SV2C: variants seen among roughly 807,000 people sequenced by gnomAD.
SV2C encodes the protein solute carrier family 22 member B3.
SV2C carries 49 observed loss-of-function variants against 79.7 expected under a neutral mutation model. The observed-to-expected ratio is 0.61, with a 90% CI of 0.49 to 0.78. The LOEUF (loss-of-function observed/expected upper bound fraction) is 0.78. Among genes scored for constraint, SV2C ranks in the 30% least tolerant of loss-of-function variants. The pLI is 0.00. For missense variants in SV2C, 833 were observed against 912.9 expected (o/e 0.91, Z 1.13); for synonymous variants, 334 against 333.2 (o/e 1.00, Z -0.03).
chr5:76,084,855 G>C (rs1017241290), intron 1 of SV2C, among the ~76,000 whole-genome samples: 1 of 151,860 alleles, frequency 6.6e-6, no homozygotes, highest in Admixed American at 6.6e-5. Context: ...GGCGCGGGGC[G>C]GCGAGGAAAG....
the SV2C span, among the ~76,000 whole-genome samples, chr5:75,983,527 A>C: frequency 6.6e-6 from 1 of 151,860 alleles, no homozygotes; most frequent in Admixed American, 6.6e-5. Flanking sequence ...TTGTCTTGTC[A>C]TTCACAGGTC....
At chr5:76,043,666 T>C in the SV2C span, among the ~76,000 whole-genome samples, 3 of 152,248 alleles carry the variant, frequency 2.0e-5, no homozygotes, top group Non-Finnish European at 2.9e-5. Context: ...AACTTTATTT[T>C]AGTGAAGCCA....
the SV2C span, chr5:75,910,551 T>C: frequency 3.0e-6 from 2 of 661,672 alleles, no homozygotes; most frequent in Non-Finnish European, 5.5e-6. Context: ...TCACCTTTGG[T>C]TTACTACTTC....
chr5:76,310,154 G>A (rs1561310883), intron 12 of SV2C, among the ~76,000 whole-genome samples: 1 of 152,182 alleles, frequency 6.6e-6, no homozygotes, highest in African/African-American at 2.4e-5. Flanking sequence ...CCTTGATAGA[G>A]CTTATATTCT....
intron 4 of SV2C, among the ~76,000 whole-genome samples, chr5:76,247,982 C>T (rs1386537616): frequency 1.3e-5 from 2 of 152,186 alleles, no homozygotes; most frequent in South Asian, 2.1e-4. Flanking sequence ...TAAGCAAGGC[C>T]GTAATGAAGG....
chr5:76,238,977 G>A (rs1338950165), intron 4 of SV2C, among the ~76,000 whole-genome samples: 1 of 152,136 alleles, frequency 6.6e-6, no homozygotes, highest in Non-Finnish European at 1.5e-5. Context: ...TGCATTCACA[G>A]GTTTTCGATG....
chr5:76,294,278 C>G (rs1023118700), intron 8 of SV2C, among the ~76,000 whole-genome samples: 2 of 149,704 alleles, frequency 1.3e-5, no homozygotes, highest in African/African-American at 4.9e-5. Context: ...TTTAATACTA[C>G]ATTTTGTTTC....
the SV2C span, among the ~76,000 whole-genome samples, chr5:75,995,431 A>G: frequency 3.9e-5 from 6 of 152,114 alleles, no homozygotes; most frequent in African/African-American, 2.4e-5. Flanking sequence ...TGCTTCCTAG[A>G]TTGATTGGCA....
intron 12 of SV2C, among the ~76,000 whole-genome samples, chr5:76,348,628 T>C (rs1389744879): frequency 6.6e-6 from 1 of 152,216 alleles, no homozygotes; most frequent in Non-Finnish European, 1.5e-5. Context: ...CAGCTAACTG[T>C]ACCAGAGAAG....
the SV2C span, among the ~76,000 whole-genome samples, chr5:75,908,907 G>A: frequency 6.6e-6 from 1 of 151,712 alleles, no homozygotes; most frequent in Non-Finnish European, 1.5e-5. Context: ...ATTTTGCATT[G>A]AAAAACTTTT....
At chr5:76,144,825 G>GTTTT in intron 2 of SV2C, among the ~76,000 whole-genome samples, 1 of 151,562 alleles carries the variant, frequency 6.6e-6, no homozygotes, top group Non-Finnish European at 1.5e-5. Flanking sequence ...TTGATAGGAG[G>GTTTT]TTTTTTTTTG....
At chr5:76,284,826 A>C (rs996132167) in intron 4 of SV2C, among the ~76,000 whole-genome samples, 2 of 152,108 alleles carry the variant, frequency 1.3e-5, no homozygotes, top group African/African-American at 4.8e-5. Context: ...GAAAGAGTGG[A>C]GAGTGATCTG....
At chr5:75,883,807 T>A in the SV2C span, among the ~76,000 whole-genome samples, 9,137 of 150,650 alleles carry the variant, frequency 0.061, 326 homozygotes, top group Admixed American at 0.083. Context: ...CTGCACATTG[T>A]GCACATGTAC....
chr5:76,339,580 G>T (rs998334830), intron 12 of SV2C, among the ~76,000 whole-genome samples: 1 of 152,008 alleles, frequency 6.6e-6, no homozygotes, highest in Admixed American at 6.6e-5. Context: ...TGGGTGTGGT[G>T]GTGGGCACCT....
At chr5:76,135,004 A>G (rs1340967111) in intron 2 of SV2C, among the ~76,000 whole-genome samples, 1 of 152,214 alleles carries the variant, frequency 6.6e-6, no homozygotes, top group Non-Finnish European at 1.5e-5. Context: ...GTCAGTAGCC[A>G]TAAGACAAGT....
rs1748732211 is a variant in SV2C at position 76,127,186 on chromosome 5, C to T, written c.-101-4464C>T. ...GAGGAGTAAAGCAAAGGGAAGACTG[C>T]ATGTTTGGGCGGTGTGGGGAAACAC... On this transcript the variant is annotated intron_variant, in intron 1 of 12. Coordinates refer to ENST00000502798, the MANE Select transcript of SV2C (RefSeq NM_014979.4). Among the ~76,000 whole-genome samples, 4 of 152,100 alleles carry T rather than the reference C, an allele frequency of 2.6e-5. No homozygotes were observed. In the South Asian group the frequency reaches 8.3e-4, roughly 32 times the overall value.
the SV2C span, among the ~76,000 whole-genome samples, chr5:75,851,490 A>G: frequency 6.6e-6 from 1 of 152,248 alleles, no homozygotes; most frequent in Non-Finnish European, 1.5e-5. Flanking sequence ...TGGTAACACC[A>G]TGAAAAACCC....
chr5:76,147,841 A>G (rs1749485547), intron 2 of SV2C, among the ~76,000 whole-genome samples: 1 of 152,250 alleles, frequency 6.6e-6, no homozygotes, highest in African/African-American at 2.4e-5. Flanking sequence ...ATGGAAATCA[A>G]ACATGTTGTA....
the SV2C span, among the ~76,000 whole-genome samples, chr5:75,913,209 C>A: frequency 3.3e-5 from 5 of 152,184 alleles, no homozygotes; most frequent in African/African-American, 4.8e-5. Flanking sequence ...AGTATCCTAA[C>A]CAGCAGGGTT....
Sources: allele counts gnomAD v4.1 joint callset (sites outside exome capture counted in the v4.1 genomes callset), GRCh38; gene constraint gnomAD v4.1.1; transcripts MANE v1.5; gene names NCBI Gene and HGNC (gene_info 2026-07-23, HGNC 2026-07-21).